CORO1B: variants seen among roughly 807,000 people sequenced by gnomAD.
CORO1B encodes the protein coronin-1B.
CORO1B carries 30 observed loss-of-function variants against 51.1 expected under a neutral mutation model. The ratio of observed to expected loss-of-function variants is 0.59; its 90% CI spans 0.44 to 0.80. The LOEUF (loss-of-function observed/expected upper bound fraction) is 0.80, where lower values mean the gene tolerates loss of function less well. CORO1B is among the 30% of genes least tolerant of loss of function. CORO1B has a pLI of 0.00. For synonymous variants in CORO1B, 310 were observed against 289.7 expected (o/e 1.07, Z -0.71); for missense variants, 648 against 700.4 (o/e 0.93, Z 0.84).
rs557322765 is a variant in CORO1B at position 67,438,242 on chromosome 11, C to T, written c.*134G>A. The T allele has an allele frequency of 2.1e-4, 233 of 1,127,474 alleles. No homozygotes were observed. The highest frequency in any genetic ancestry group is 1.1e-3 in the East Asian group (44 of 40,792). 69.8% of individuals were successfully genotyped at this position (1,127,474 alleles called of 1,614,324 possible). A position where few individuals can be genotyped will look rare whatever the true frequency, so the allele number is the denominator to read the frequency against. ...CGCTGGCTTCGGCCTGGGCCTGGGA[C>T]GGGTGGGGGTGGGAACTGACCCCTG... is the stretch of plus-strand genomic sequence containing the variant. On this transcript the variant is annotated 3_prime_UTR_variant, in exon 11 of 11. Transcript: ENST00000341356.
At position 67,440,175 on chromosome 11, in the gene CORO1B, C is replaced by T. The variant is rs148334197; in HGVS notation, c.950G>A (p.Arg317Gln). ...LNTFTSKEPQ[R>Q]GMGSMPKRGL... ...CCGCTTGGGCATGCTGCCCATACCC[C>T]GCTGCGGCTCCTTGCTGGTGAACGT... is the stretch of plus-strand genomic sequence containing the variant. Residue 317 changes from arginine to glutamine, a missense_variant, in exon 8 of 11, where the codon CGG (arginine) becomes CAG (glutamine). Physicochemically the swap from Arg to Gln is conservative, Grantham distance 43 (BLOSUM62 1). Coordinates refer to ENST00000341356, the MANE Select transcript of CORO1B (RefSeq NM_020441.3). 7.4e-6 allele frequency: 12 copies of T among 1,613,858 alleles called. No individual in the cohort carries two copies. Among genetic ancestry groups the T allele is most frequent in the South Asian group, 2.2e-5 (2 of 91,088 alleles).
chr11:67,440,150 C>T lies in CORO1B; in HGVS notation c.975G>A (p.Arg325=), dbSNP rs564642554. The T allele has an allele frequency of 2.7e-5, 43 of 1,613,342 alleles. No individual in the cohort carries two copies. The highest frequency in any genetic ancestry group is 3.0e-5 in the Non-Finnish European group (35 of 1,179,844). Residue 325 remains arginine (R), a synonymous_variant, in exon 8 of 11, where the codon CGG becomes CGA. Coordinates refer to ENST00000341356, the MANE Select transcript of CORO1B (RefSeq NM_020441.3). ...PQRGMGSMPK[R]GLEVSKCEIA... is the part of the protein sequence containing the mutation. ...TCTCGCACTTGCTGACCTCCAGGCC[C>T]CGCTTGGGCATGCTGCCCATACCCC...
chr11:67,440,059 T>G, intron 8 of CORO1B, 59 bp downstream of exon 8: 1 of 1,553,640 alleles, frequency 6.4e-7, no homozygotes, highest in Admixed American at 1.9e-5. Flanking sequence ...CAGCCTCCAA[T>G]GACCTGACCT....
At chr11:67,440,464 C>A in intron 6 of CORO1B, 25 bp from the exon 7 acceptor site, 1 of 1,605,428 alleles carries the variant, frequency 6.2e-7, no homozygotes, top group African/African-American at 1.3e-5. Context: ...GCAGTCAGGC[C>A]AAGCAGAACC....
rs750575676 is a variant in CORO1B, at chr11:67,438,361, C to T, written c.*15G>A. On this transcript the variant is annotated 3_prime_UTR_variant, in exon 11 of 11. Transcript: ENST00000341356. ...GGGGCGGCGGAGGAGATGAAGGTGG[C>T]GTGTGGCTGTGGCCCTACGCATCCC... The T allele has an allele frequency of 4.4e-6, 7 of 1,586,632 alleles. No individual in the cohort carries two copies. Among genetic ancestry groups the T allele is most frequent in the African/African-American group, 2.7e-5 (2 of 74,518 alleles).
At chr11:67,440,519 C>T in intron 6 of CORO1B, 80 bp from the exon 7 acceptor site, 4 of 1,297,208 alleles carry the variant, frequency 3.1e-6, no homozygotes, top group Non-Finnish European at 4.4e-6. Flanking sequence ...TAGCTGGCCT[C>T]ACTAAGGCCA....
rs570272003 is a variant in CORO1B, at chr11:67,438,387, C to T, written c.1459G>A (p.Gly487Arg). ...LEEQLGRMEN[G>R]DA ...GTGTGGCTGTGGCCCTACGCATCCCCGTTCTCCATGCGGCCCAGCTGCTCC... is the reference window on the plus strand; with the variant it reads ...GTGTGGCTGTGGCCCTACGCATCCCTGTTCTCCATGCGGCCCAGCTGCTCC... Residue 487 changes from glycine to arginine, a missense_variant, in exon 11 of 11, where the codon GGG becomes AGG. Transcript: ENST00000341356. 71 of 1,605,920 alleles carry T rather than the reference C, an allele frequency of 4.4e-5. No individual in the cohort carries two copies. Among genetic ancestry groups the T allele is most frequent in the Middle Eastern group, 1.6e-4 (1 of 6,070 alleles).
chr11:67,440,349 A>G lies in CORO1B; in HGVS notation c.847T>C (p.Tyr283His), dbSNP rs1590986480. ...PFYDPDTSVV[Y>H]VCGKGDSSIR... ...CCCAGCCCCACCTTGCCGCAGACGTAGACCACACTGGTGTCGGGGTCGTAG... is the reference window on the plus strand; with the variant it reads ...CCCAGCCCCACCTTGCCGCAGACGTGGACCACACTGGTGTCGGGGTCGTAG... The change falls in exon 7 of 11, where the codon TAC becomes CAC. Residue 283 changes from tyrosine (Y) to histidine (H), a missense_variant. Coordinates refer to ENST00000341356, the MANE Select transcript of CORO1B (RefSeq NM_020441.3). 2.5e-6 allele frequency: 4 copies of G among 1,613,642 alleles called. No individual in the cohort carries two copies. Among genetic ancestry groups the G allele is most frequent in the African/African-American group, 2.7e-5 (2 of 74,922 alleles).
intron 10 of CORO1B, 34 bp from the exon 11 acceptor site, chr11:67,438,535 G>A (rs1432154853): frequency 6.3e-7 from 1 of 1,585,604 alleles, no homozygotes; most frequent in East Asian, 2.3e-5. Context: ...AGGGGGCGGT[G>A]GTCAGGGGCT....
intron 4 of CORO1B, 31 bp from the exon 5 acceptor site, chr11:67,441,545 G>C: frequency 6.2e-7 from 1 of 1,600,150 alleles, no homozygotes; most frequent in Non-Finnish European, 8.5e-7. Context: ...GCTCGGGCCG[G>C]GTGGGTGGCA....
chr11:67,442,175 C>A, intron 2 of CORO1B, 87 bp from the exon 3 acceptor site: 2 of 1,568,488 alleles, frequency 1.3e-6, no homozygotes, highest in Non-Finnish European at 1.7e-6. Context: ...ACATGCACGT[C>A]CCGGCTCACA....
chr11:67,443,655 A>G (rs1313553350), upstream of CORO1B: 11 of 866,896 alleles, frequency 1.3e-5, no homozygotes, highest in Non-Finnish European at 1.5e-5. Context: ...GACCCGGTGG[A>G]GCGCCCCCAC....
Position 67,440,446 on chromosome 11 carries a change from C to T in CORO1B, c.757-7G>A, listed in dbSNP as rs750050119. 3.1e-6 allele frequency: 5 copies of T among 1,613,404 alleles called. No individual in the cohort carries two copies. Among genetic ancestry groups the T allele is most frequent in the African/African-American group, 2.7e-5 (2 of 75,036 alleles). On this transcript the variant is annotated splice_polypyrimidine_tract_variant and splice_region_variant and intron_variant, in intron 6 of 10. Coordinates refer to ENST00000341356, the MANE Select transcript of CORO1B (RefSeq NM_020441.3). ...TGGGTTCCTCGAGGTTTTCCTGGCA[C>T]ATTGCAGGCAGTCAGGCCAAGCAGA...
rs754054235 is a variant in CORO1B at position 67,438,421 on chromosome 11, G to C, written c.1425C>G (p.Cys475Trp). 6.2e-7 allele frequency: 1 copy of C among 1,610,342 alleles called. No individual in the cohort carries two copies. The highest frequency in any genetic ancestry group is 8.5e-7 in the Non-Finnish European group (1 of 1,178,106). ...ALVKEQGDRI[C>W]RLEEQLGRME... ...TGCGGCCCAGCTGCTCCTCCAGGCG[G>C]CAGATGCGGTCGCCCTGCTCCTTGA... Residue 475 changes from cysteine to tryptophan, a missense_variant, in exon 11 of 11, where the codon TGC (cysteine) becomes TGG (tryptophan). Cys to Trp is a radical substitution (Grantham distance 215). Transcript: ENST00000341356.
Position 67,435,537 on chromosome 11 carries a change from T to G in CORO1B, c.*2839A>C. 1.3e-6 allele frequency: 1 copy of G among 782,694 alleles called. No homozygotes were observed. Among genetic ancestry groups the G allele is most frequent in the Non-Finnish European group, 1.9e-6 (1 of 519,382 alleles). The allele number at this position is 782,694 out of a possible 1,614,324, so 48.5% of individuals were successfully genotyped here. On this transcript the variant is annotated 3_prime_UTR_variant, in exon 11 of 11. Transcript: ENST00000341356. ...CAGGCTGAAGGAGTTTTATTTCAAA[T>G]GGTTGCCTGATGCCTGTGGTTGGGG...
chr11:67,438,491 T>C lies in CORO1B; in HGVS notation c.1355A>G (p.Lys452Arg), dbSNP rs753046692. The C allele has an allele frequency of 3.7e-6, 6 of 1,608,334 alleles. No homozygotes were observed. The African/African-American group carries it at 8.0e-5, about 21-fold the overall frequency. ...CAGCTCCTGCATCACCTCCTCCAGC[T>C]TCCCAGCCTCCTGTGGGGACATGAA... Reference protein sequence around the residue: ...GSLARAGEAGKLEEVMQELRA... With the variant: ...GSLARAGEAGRLEEVMQELRA... The change falls in exon 11 of 11, where the codon AAG becomes AGG. Residue 452 changes from lysine (K) to arginine (R), a missense_variant. Coordinates refer to ENST00000341356, the MANE Select transcript of CORO1B (RefSeq NM_020441.3).
rs1385885711 is a variant in CORO1B at position 67,439,835 on chromosome 11, T to C, written c.1016A>G (p.Lys339Arg). The C allele has an allele frequency of 6.3e-7, 1 of 1,581,970 alleles. No individual in the cohort carries two copies. Among genetic ancestry groups the C allele is most frequent in the Non-Finnish European group, 8.6e-7 (1 of 1,164,282 alleles). Reference protein sequence around the residue: ...VSKCEIARFYKLHERKCEPIV... With the variant: ...VSKCEIARFYRLHERKCEPIV... Reference sequence around the variant, plus strand: ...GGGCTCACACTTGCGCTCATGCAGTTTGTAGAACCTGGGGATGCAAGGAGG... The same window carrying C: ...GGGCTCACACTTGCGCTCATGCAGTCTGTAGAACCTGGGGATGCAAGGAGG... The change falls in exon 9 of 11, where the codon AAA becomes AGA. Residue 339 changes from lysine (K) to arginine (R), a missense_variant. Lys to Arg is a conservative substitution (Grantham distance 26, BLOSUM62 2). Transcript: ENST00000341356.
Position 67,441,217 on chromosome 11 carries a change from G to A in CORO1B, c.664C>T (p.Arg222Trp), listed in dbSNP as rs757750961. The stretch of plus-strand genomic sequence containing the variant: ...GCCAGGAAGATGGCCCGCATGGGCC[G>A]GGCCCCCTCATGAGCCTTCTCCCGC... ...AEREKAHEGA[R>W]PMRAIFLADG... Residue 222 changes from arginine (R) to tryptophan (W), a missense_variant, in exon 6 of 11, where the codon CGG becomes TGG. By Grantham distance (101) the Arg-to-Trp change is moderately radical. Coordinates refer to ENST00000341356, the MANE Select transcript of CORO1B (RefSeq NM_020441.3). 1.4e-5 allele frequency: 23 copies of A among 1,613,130 alleles called. No homozygotes were observed. The highest frequency in any genetic ancestry group is 1.9e-5 in the Non-Finnish European group (22 of 1,179,980).
rs1044527338 is a variant in CORO1B at position 67,436,945 on chromosome 11, G to A, written c.*1431C>T. 2 of 152,460 alleles carry A rather than the reference G, an allele frequency of 1.3e-5. No homozygotes were observed. The highest frequency in any genetic ancestry group is 4.8e-5 in the African/African-American group (2 of 41,422). The allele number at this position is 152,460 out of a possible 1,614,324, so 9.4% of individuals were successfully genotyped here. ...GATTAAATGTGTCTAGGCTGCCTGG[G>A]TGGGTGGGAGAGGAGATGGGAGGGA... On this transcript the variant is annotated 3_prime_UTR_variant, in exon 11 of 11. Coordinates refer to ENST00000341356, the MANE Select transcript of CORO1B (RefSeq NM_020441.3).
Sources: allele counts gnomAD v4.1 joint callset, GRCh38; gene constraint gnomAD v4.1.1; transcripts MANE v1.5; gene names NCBI Gene and HGNC (gene_info 2026-07-23, HGNC 2026-07-21).